Variants in NFIC observed in about 807,000 individuals in gnomAD.
NFIC encodes nuclear factor I C.
A neutral mutation model predicts 54.4 loss-of-function variants in NFIC; 12 were observed. That is an observed-to-expected ratio of 0.22 (90% confidence interval 0.14 to 0.36). The LOEUF (loss-of-function observed/expected upper bound fraction) is 0.36, where lower values mean the gene tolerates loss of function less well. Among genes scored for constraint, NFIC ranks in the 10% least tolerant of loss-of-function variants. The pLI is 1.00. For missense variants in NFIC, 575 were observed against 718.2 expected, an observed-to-expected ratio of 0.80 and a Z score of 2.28; for synonymous variants, 322 against 319.2, an observed-to-expected ratio of 1.01 and a Z score of -0.09.
chr19:3,401,235 G>A (rs2081549997), intron 2 of NFIC, among the ~76,000 whole-genome samples: 1 of 152,154 alleles, frequency 6.6e-6, no homozygotes, highest in Admixed American at 6.5e-5. Context: ...AGGCAGGTGG[G>A]AGCCATAGAG....
At chr19:3,444,153 C>G (rs1360750102) in intron 6 of NFIC, among the ~76,000 whole-genome samples, 1 of 124,112 alleles carries the variant, frequency 8.1e-6, no homozygotes, top group African/African-American at 3.0e-5. Flanking sequence ...GCTGCTCCGA[C>G]GGGGTGATGA....
At chr19:3,425,302 T>G (rs2082010557) in intron 3 of NFIC, 125 bp downstream of exon 3, 21 of 1,140,344 alleles carry the variant, frequency 1.8e-5, no homozygotes, top group Non-Finnish European at 2.6e-5. Context: ...TCGGAGAGGT[T>G]AAGGGGCCTG....
chr19:3,382,666 G>A (rs900008756), intron 2 of NFIC, among the ~76,000 whole-genome samples: 1 of 149,228 alleles, frequency 6.7e-6, no homozygotes, highest in African/African-American at 2.5e-5. Context: ...GGTGGTCCAA[G>A]CGGGGAGGCG....
intron 1 of NFIC, among the ~76,000 whole-genome samples, chr19:3,377,425 A>G (rs1333607471): frequency 6.7e-6 from 1 of 149,570 alleles, no homozygotes; most frequent in African/African-American, 2.5e-5. Flanking sequence ...GTCCTTTGAG[A>G]GCTGGGGGGA....
intron 6 of NFIC, among the ~76,000 whole-genome samples, chr19:3,438,049 G>T (rs993363663): frequency 6.6e-6 from 1 of 152,078 alleles, no homozygotes; most frequent in Non-Finnish European, 1.5e-5. Context: ...TAAACTGCAC[G>T]CTAATTAAAG....
At chr19:3,429,567 G>A (rs1029312139) in intron 3 of NFIC, among the ~76,000 whole-genome samples, 3 of 152,164 alleles carry the variant, frequency 2.0e-5, no homozygotes, top group Non-Finnish European at 1.5e-5. Flanking sequence ...CTCGAGCCTG[G>A]GCAACAGAGC....
At chr19:3,394,519 A>ACCCCCCCCCCCCC (rs138210089) in intron 2 of NFIC, among the ~76,000 whole-genome samples, 1 of 47,312 alleles carries the variant, frequency 2.1e-5, no homozygotes, top group Non-Finnish European at 3.4e-5. Context: ...TCTTTTCCCC[A>ACCCCCCCCCCCCC]CCCACCCCCC....
At chr19:3,362,031 GA>G (rs1001617848), upstream of NFIC, among the ~76,000 whole-genome samples, 27 of 152,164 alleles carry the variant, frequency 1.8e-4, no homozygotes, top group African/African-American at 6.3e-4. Context: ...CTTGCGGGGG[GA>G]TAGACAACCA....
At chr19:3,392,343 A>G (rs1330855105) in intron 2 of NFIC, among the ~76,000 whole-genome samples, 3 of 152,112 alleles carry the variant, frequency 2.0e-5, no homozygotes, top group African/African-American at 4.8e-5. Context: ...AAGTGCTGGG[A>G]CTACAGGCGT....
chr19:3,452,429 G>T lies in NFIC; in HGVS notation c.1085-53G>T. 1 of 1,596,240 alleles carries T rather than the reference G, an allele frequency of 6.3e-7. No individual in the cohort carries two copies. On this transcript the variant is annotated intron_variant, in intron 7 of 10. Transcript: ENST00000443272. The surrounding 1 kb of genome is among the most constrained non-coding windows in gnomAD (Gnocchi z 5.3). Reference sequence around the variant, plus strand: ...ACAGACACACAGTCACACGGTCACAGAGCAGACCGGCTGGAGCCCCCAAGT... The same window carrying T: ...ACAGACACACAGTCACACGGTCACATAGCAGACCGGCTGGAGCCCCCAAGT...
Position 3,453,652 on chromosome 19 carries a change from C to CG in NFIC, c.1270-111_1270-110insG. 1 of 1,427,010 alleles carries CG rather than the reference C, an allele frequency of 7.0e-7. No homozygotes were observed. 88.4% of individuals were successfully genotyped at this position (1,427,010 alleles called of 1,614,324 possible). A position where few individuals can be genotyped will look rare whatever the true frequency, so the allele number is the denominator to read the frequency against. On this transcript the variant is annotated intron_variant, in intron 8 of 10. Transcript: ENST00000443272. The surrounding 1 kb of genome is among the most constrained non-coding windows in gnomAD (Gnocchi z 6.7). ...ATGGTCACACCCGCGCCCTGGCCCC[C>CG]CAGCCTGCCACCCCGTCCGGGCCGT...
At chr19:3,442,967 G>T (rs370525977) in intron 6 of NFIC, among the ~76,000 whole-genome samples, 1 of 152,226 alleles carries the variant, frequency 6.6e-6, no homozygotes, top group Non-Finnish European at 1.5e-5. Flanking sequence ...GACACTGGCC[G>T]GTGTCTAGGG....
chr19:3,449,289 G>A lies in NFIC; in HGVS notation c.1084+150G>A, dbSNP rs535671819. ...AAAACCATAGAGGTGCCGTAGTGGA[G>A]AGCGCCCAGGGCCTTGTTCCAGCCC... On this transcript the variant is annotated intron_variant, in intron 7 of 10. Coordinates refer to ENST00000443272, the MANE Select transcript of NFIC (RefSeq NM_001245002.2). The A allele has an allele frequency of 3.9e-6, 5 of 1,274,254 alleles. No homozygotes were observed. In the Admixed American group the frequency reaches 8.8e-5, roughly 23 times the overall value. The allele number at this position is 1,274,254 out of a possible 1,614,324, so 78.9% of individuals were successfully genotyped here. A position where few individuals can be genotyped will look rare whatever the true frequency, so the allele number is the denominator to read the frequency against.
chr19:3,411,913 G>A (rs769066704), intron 2 of NFIC, among the ~76,000 whole-genome samples: 1 of 152,174 alleles, frequency 6.6e-6, no homozygotes, highest in South Asian at 2.1e-4. Flanking sequence ...AGTGCCATCC[G>A]GCATGCACGG....
intron 6 of NFIC, among the ~76,000 whole-genome samples, chr19:3,440,758 T>A (rs1024207421): frequency 6.6e-6 from 1 of 152,042 alleles, no homozygotes; most frequent in Non-Finnish European, 1.5e-5. Context: ...TGACCTCAGG[T>A]GATCCGCCCG....
Position 3,381,774 on chromosome 19 carries a change from G to T in NFIC, c.93G>T (p.Trp31Cys). ...LPHVRAFAYT[W>C]FNLQARKRKY... ...ACGTCCGCGCCTTCGCCTACACCTG[G>T]TTCAACCTGCAGGCGCGGAAGCGCA... The change falls in exon 2 of 11, where the codon TGG becomes TGT. Residue 31 changes from tryptophan to cysteine, a missense_variant. Physicochemically the swap from Trp to Cys is radical, Grantham distance 215. Transcript: ENST00000443272. The T allele has an allele frequency of 6.2e-7, 1 of 1,613,936 alleles. No individual in the cohort carries two copies. Among genetic ancestry groups the T allele is most frequent in the Non-Finnish European group, 8.5e-7 (1 of 1,179,966 alleles).
intron 2 of NFIC, among the ~76,000 whole-genome samples, chr19:3,421,750 G>T (rs1252113706): frequency 6.6e-6 from 1 of 152,160 alleles, no homozygotes; most frequent in Non-Finnish European, 1.5e-5. Context: ...TCATTGCTTT[G>T]ATCATTCTCA....
Position 3,463,164 on chromosome 19 carries a change from G to T in NFIC, c.*395G>T. On this transcript the variant is annotated 3_prime_UTR_variant, in exon 11 of 11. Transcript: ENST00000443272. ...CGGGAAGGACAGACGCCGGCCGCCC[G>T]CCCGCGCCCCGGAGGCCCTGGCTCT... 9.3e-7 allele frequency: 1 copy of T among 1,078,970 alleles called. No individual in the cohort carries two copies. The highest frequency in any genetic ancestry group is 1.1e-6 in the Non-Finnish European group (1 of 889,604). The allele number at this position is 1,078,970 out of a possible 1,614,324, so 66.8% of individuals were successfully genotyped here.
intron 2 of NFIC, among the ~76,000 whole-genome samples, chr19:3,398,323 A>G (rs1227553601): frequency 6.6e-6 from 1 of 152,146 alleles, no homozygotes; most frequent in Non-Finnish European, 1.5e-5. Flanking sequence ...TGGCGCACTT[A>G]TTGAGCGCCA....
Sources: gnomAD v4.1 joint callset for allele counts (sites outside exome capture counted in the v4.1 genomes callset) on GRCh38, gnomAD v4.1.1 for gene constraint, Gnocchi (gnomAD v3.1) non-coding constraint, MANE v1.5 for transcripts, NCBI Gene and HGNC (gene_info 2026-07-23, HGNC 2026-07-21) for gene names.